The following EYA4 variants were observed in gnomAD, a reference collection of about 807,000 sequenced individuals.
EYA4 encodes the protein protein phosphatase EYA4.
EYA4 carries 31 observed loss-of-function variants against 87.9 expected under a neutral mutation model. The observed-to-expected ratio is 0.35, with a 90% CI of 0.27 to 0.48. The LOEUF is 0.48. Among genes scored for constraint, EYA4 ranks in the 20% least tolerant of loss-of-function variants. EYA4 has a pLI of 0.99. For missense variants in EYA4, 678 were observed against 761.4 expected, an observed-to-expected ratio of 0.89 and a Z score of 1.29; for synonymous variants, 263 against 270.6, an observed-to-expected ratio of 0.97 and a Z score of 0.28.
Position 133,341,770 on chromosome 6 carries a change from C to T in EYA4, c.34-40622C>T, listed in dbSNP as rs538811121. On this transcript the variant is annotated intron_variant, in intron 2 of 19. Coordinates refer to ENST00000355286, the MANE Select transcript of EYA4 (RefSeq NM_004100.5). ...TCACCAACTATGGAGCTAATGGGGACGGTGGCTTTAAGCCAACTACCACTT... is the reference window on the plus strand; with the variant it reads ...TCACCAACTATGGAGCTAATGGGGATGGTGGCTTTAAGCCAACTACCACTT... 1.1e-4 allele frequency among the ~76,000 whole-genome samples: 17 copies of T among 151,928 alleles called. No homozygotes were observed. In the East Asian group the frequency reaches 2.3e-3, roughly 21 times the overall value.
intron 2 of EYA4, among the ~76,000 whole-genome samples, chr6:133,380,419 A>T (rs1440161996): frequency 1.3e-5 from 2 of 152,196 alleles, no homozygotes; most frequent in Non-Finnish European, 2.9e-5. Context: ...TGGGGTAATT[A>T]TGCTTTGGAA....
chr6:133,522,048 T>A (rs908383902), intron 17 of EYA4, among the ~76,000 whole-genome samples: 2 of 138,886 alleles, frequency 1.4e-5, no homozygotes, highest in Non-Finnish European at 3.1e-5. Flanking sequence ...CGCACCAGCA[T>A]GGCACATGTA....
chr6:133,304,131 T>C (rs551470279), intron 2 of EYA4, among the ~76,000 whole-genome samples: 17 of 152,198 alleles, frequency 1.1e-4, no homozygotes, highest in Non-Finnish European at 2.2e-4. Context: ...TTCATATACC[T>C]TAAACACATA....
At chr6:133,310,686 A>C (rs563632582) in intron 2 of EYA4, among the ~76,000 whole-genome samples, 1 of 152,332 alleles carries the variant, frequency 6.6e-6, no homozygotes, top group African/African-American at 2.4e-5. Context: ...GTCTTGGGGA[A>C]AACTAAATTG....
intron 13 of EYA4, among the ~76,000 whole-genome samples, chr6:133,484,292 A>G (rs1418455767): frequency 6.6e-6 from 1 of 152,226 alleles, no homozygotes; most frequent in Non-Finnish European, 1.5e-5. Flanking sequence ...ATGTCTTCAT[A>G]GCATTCCATT....
chr6:133,446,930 T>C (rs1013737650), intron 4 of EYA4, among the ~76,000 whole-genome samples, 176 bp downstream of exon 4: 1 of 152,242 alleles, frequency 6.6e-6, no homozygotes, highest in African/African-American at 2.4e-5. Flanking sequence ...AAATTTTTGC[T>C]CCTCCTGTAT....
At chr6:133,439,691 A>T (rs1013697682) in intron 3 of EYA4, among the ~76,000 whole-genome samples, 14 of 152,312 alleles carry the variant, frequency 9.2e-5, no homozygotes, top group South Asian at 6.2e-4. Flanking sequence ...GGTCACTATT[A>T]TTGGAGGTCA....
At chr6:133,407,706 T>G (rs1002323883) in intron 3 of EYA4, among the ~76,000 whole-genome samples, 1 of 151,600 alleles carries the variant, frequency 6.6e-6, no homozygotes, top group East Asian at 2.0e-4. Context: ...AAATTCAACT[T>G]AGGGTTCTGA....
chr6:133,403,867 A>G (rs895738518), intron 3 of EYA4, among the ~76,000 whole-genome samples: 7 of 151,874 alleles, frequency 4.6e-5, no homozygotes, highest in African/African-American at 1.7e-4. Context: ...CTGGAGTGCA[A>G]TGGCATGATT....
At chr6:133,461,069 T>C in intron 6 of EYA4, 45 bp from the exon 7 acceptor site, 1 of 1,300,706 alleles carries the variant, frequency 7.7e-7, no homozygotes, top group South Asian at 1.2e-5. Flanking sequence ...GTGAAATGTA[T>C]TTATGAAGCA....
intron 2 of EYA4, among the ~76,000 whole-genome samples, chr6:133,327,188 A>G (rs1781563563): frequency 6.6e-6 from 1 of 151,974 alleles, no homozygotes; most frequent in Admixed American, 6.6e-5. Context: ...CCCAGGCTAG[A>G]GTGCAGTGGC....
chr6:133,404,080 C>T (rs1022303588), intron 3 of EYA4, among the ~76,000 whole-genome samples: 3 of 152,166 alleles, frequency 2.0e-5, no homozygotes, highest in Non-Finnish European at 2.9e-5. Context: ...TCCCAAAGTG[C>T]TAAGATTACA....
chr6:133,416,524 G>A (rs1789727544), intron 3 of EYA4, among the ~76,000 whole-genome samples: 1 of 152,180 alleles, frequency 6.6e-6, no homozygotes. Flanking sequence ...AGGAGGTTAG[G>A]AGGGGAATGA....
intron 2 of EYA4, among the ~76,000 whole-genome samples, chr6:133,321,555 C>T (rs112430404): frequency 0.036 from 5,448 of 152,214 alleles, 99 homozygotes; most frequent in Non-Finnish European, 0.052. Context: ...GAACTTTCCC[C>T]CTTACTACCT....
intron 3 of EYA4, among the ~76,000 whole-genome samples, chr6:133,421,596 G>T (rs182253911): frequency 6.6e-6 from 1 of 152,254 alleles, no homozygotes; most frequent in Admixed American, 6.5e-5. Flanking sequence ...TCACTTTGAG[G>T]TGACATTGAA....
At chr6:133,396,522 C>T (rs749485875) in intron 3 of EYA4, among the ~76,000 whole-genome samples, 18 of 152,100 alleles carry the variant, frequency 1.2e-4, no homozygotes, top group Non-Finnish European at 2.1e-4. Context: ...TGTGTGACAT[C>T]GAACGGGAGA....
chr6:133,279,354 T>G (rs577602615), intron 2 of EYA4, among the ~76,000 whole-genome samples: 1 of 152,266 alleles, frequency 6.6e-6, no homozygotes, highest in South Asian at 2.1e-4. Flanking sequence ...CTTATATTGT[T>G]GGTGGCATGA....
At chr6:133,438,906 G>A (rs1426171121) in intron 3 of EYA4, among the ~76,000 whole-genome samples, 1 of 151,922 alleles carries the variant, frequency 6.6e-6, no homozygotes, top group Non-Finnish European at 1.5e-5. Flanking sequence ...GCCGGGCGTG[G>A]TGGCAGCCAC....
intron 17 of EYA4, among the ~76,000 whole-genome samples, chr6:133,518,032 A>G (rs993121033): frequency 2.0e-5 from 3 of 152,188 alleles, no homozygotes; most frequent in African/African-American, 7.2e-5. Context: ...GGGACTTGCT[A>G]TCTCATGTCC....
Sources: gnomAD v4.1 joint callset for allele counts (sites outside exome capture counted in the v4.1 genomes callset) on GRCh38, gnomAD v4.1.1 for gene constraint, MANE v1.5 for transcripts, NCBI Gene and HGNC (gene_info 2026-07-23, HGNC 2026-07-21) for gene names.